The following CYTH1 variants were observed in gnomAD, a reference collection of about 807,000 sequenced individuals.
CYTH1 encodes cytohesin-1.
A neutral mutation model predicts 61.8 loss-of-function variants in CYTH1; 18 were observed. The observed-to-expected ratio is 0.29, with a 90% CI of 0.20 to 0.43. CYTH1 has a LOEUF of 0.43. CYTH1 is among the 20% of genes least tolerant of loss of function. CYTH1 has a pLI of 1.00. For synonymous variants in CYTH1, 174 were observed against 184.3 expected (o/e 0.94, Z 0.45); for missense variants, 336 against 510.5 (o/e 0.66, Z 3.29).
At chr17:78,743,070 C>G (rs899966658) in intron 1 of CYTH1, among the ~76,000 whole-genome samples, 2 of 151,804 alleles carry the variant, frequency 1.3e-5, no homozygotes, top group Admixed American at 6.6e-5. Context: ...TATTCCTTGG[C>G]ACTTAAAAAA....
At chr17:78,768,694 C>T (rs2093458644) in intron 1 of CYTH1, among the ~76,000 whole-genome samples, 1 of 152,072 alleles carries the variant, frequency 6.6e-6, no homozygotes, top group African/African-American at 2.4e-5. Context: ...TCACCTAGCT[C>T]ACCTATCTCC....
chr17:78,774,467 T>C (rs1263047436), intron 1 of CYTH1, among the ~76,000 whole-genome samples: 1 of 152,182 alleles, frequency 6.6e-6, no homozygotes, highest in Non-Finnish European at 1.5e-5. Flanking sequence ...GGTTTCTGTT[T>C]GAAATGGAGA....
intron 10 of CYTH1, among the ~76,000 whole-genome samples, chr17:78,693,563 G>C (rs2092909721): frequency 6.6e-6 from 1 of 151,326 alleles, no homozygotes; most frequent in African/African-American, 2.4e-5. Flanking sequence ...GGAGGTTGCA[G>C]TGAGCCAAGA....
chr17:78,761,245 C>A (rs896728390), intron 1 of CYTH1, among the ~76,000 whole-genome samples: 3 of 152,174 alleles, frequency 2.0e-5, no homozygotes, highest in African/African-American at 7.2e-5. Flanking sequence ...TCAAGAGGTT[C>A]TTGTTTTCAG....
intron 1 of CYTH1, 131 bp from the exon 2 acceptor site, chr17:78,709,863 T>A: frequency 1.4e-6 from 1 of 715,036 alleles, no homozygotes; most frequent in Non-Finnish European, 2.3e-6. Flanking sequence ...GACTGAGTGA[T>A]AGAAATAGTT....
At chr17:78,756,843 C>T (rs1298117447) in intron 1 of CYTH1, among the ~76,000 whole-genome samples, 2 of 151,494 alleles carry the variant, frequency 1.3e-5, no homozygotes, top group Non-Finnish European at 2.9e-5. Context: ...AAAAAGCCTT[C>T]ATAATCACCA....
At chr17:78,716,945 T>C (rs898852208) in intron 1 of CYTH1, 2 of 152,320 alleles carry the variant, frequency 1.3e-5, no homozygotes, top group African/African-American at 4.8e-5. Context: ...GCCCGGGAGT[T>C]TCTGGGAAAG....
In CYTH1 at chr17:78,676,046, C is replaced by T. The variant is rs2092694446; in HGVS notation, c.*45G>A. 6.4e-7 allele frequency: 1 copy of T among 1,573,176 alleles called. No individual in the cohort carries two copies. The highest frequency in any genetic ancestry group is 1.9e-5 in the Admixed American group (1 of 53,000). ...CATCCATGGAGGTGCGGGAGAAGAG[C>T]AGGAGCTCCAAGGCCCCCGCAGACC... On this transcript the variant is annotated 3_prime_UTR_variant, in exon 14 of 14. Coordinates refer to ENST00000446868, the MANE Select transcript of CYTH1 (RefSeq NM_004762.6).
At chr17:78,684,210 C>G (rs962279013) in intron 11 of CYTH1, among the ~76,000 whole-genome samples, 16 of 152,202 alleles carry the variant, frequency 1.1e-4, no homozygotes, top group Admixed American at 1.3e-4. Context: ...CCTCGCTCTT[C>G]TCAGCACACT....
At chr17:78,716,372 AC>A (rs2093180657) in intron 1 of CYTH1, among the ~76,000 whole-genome samples, 1 of 152,220 alleles carries the variant, frequency 6.6e-6, no homozygotes, top group East Asian at 1.9e-4. Flanking sequence ...AAAATGTACA[AC>A]TATGGTCACT....
intron 1 of CYTH1, among the ~76,000 whole-genome samples, chr17:78,764,484 G>C (rs531835876): frequency 6.6e-6 from 1 of 152,066 alleles, no homozygotes; most frequent in African/African-American, 2.4e-5. Flanking sequence ...TTCAAGATTT[G>C]TACTGAAATC....
chr17:78,740,179 A>G (rs1278948007), intron 1 of CYTH1, among the ~76,000 whole-genome samples: 2 of 151,806 alleles, frequency 1.3e-5, no homozygotes, highest in African/African-American at 4.8e-5. Flanking sequence ...CAAATGATCC[A>G]CCCACCTTGG....
intron 10 of CYTH1, among the ~76,000 whole-genome samples, chr17:78,693,176 C>T (rs2092906051): frequency 6.6e-6 from 1 of 152,126 alleles, no homozygotes; most frequent in Non-Finnish European, 1.5e-5. Context: ...TGAGAGGTGG[C>T]CTCAGGAGCC....
chr17:78,694,229 T>G (rs1420473663), intron 10 of CYTH1, among the ~76,000 whole-genome samples: 1 of 152,250 alleles, frequency 6.6e-6, no homozygotes, highest in African/African-American at 2.4e-5. Context: ...CTTACGTGAC[T>G]GATCATTAAT....
At chr17:78,720,228 A>G (rs1404345679) in intron 1 of CYTH1, among the ~76,000 whole-genome samples, 1 of 152,178 alleles carries the variant, frequency 6.6e-6, no homozygotes, top group Non-Finnish European at 1.5e-5. Context: ...AAGATGGTAC[A>G]TTTTTTGTTA....
chr17:78,681,830 T>A (rs1158111062), intron 11 of CYTH1, among the ~76,000 whole-genome samples: 3 of 124,068 alleles, frequency 2.4e-5, no homozygotes, highest in African/African-American at 6.3e-5. Context: ...AGAGCAAGAC[T>A]CTGTCTCAAA....
Position 78,714,466 on chromosome 17 carries a change from G to A in CYTH1, c.23-4734C>T, listed in dbSNP as rs374567276. ...TCTTCTAGAATAAAAACTCCACAAA[G>A]GCAGGGACACCGTATGCCTTGTACA... is the stretch of plus-strand genomic sequence containing the variant. On this transcript the variant is annotated intron_variant, in intron 1 of 13. Coordinates refer to ENST00000446868, the MANE Select transcript of CYTH1 (RefSeq NM_004762.6). Among the ~76,000 whole-genome samples the A allele has an allele frequency of 7.2e-5, 11 of 152,220 alleles. 4 individuals are homozygous for A. Among genetic ancestry groups the A allele is most frequent in the East Asian group, 1.9e-4 (1 of 5,184 alleles).
At chr17:78,707,485 C>A (rs1316307147) in intron 3 of CYTH1, among the ~76,000 whole-genome samples, 1 of 152,134 alleles carries the variant, frequency 6.6e-6, no homozygotes, top group Non-Finnish European at 1.5e-5. Flanking sequence ...AATAAGCTCA[C>A]GATTATCCTC....
chr17:78,739,217 T>C (rs985862974), intron 1 of CYTH1, among the ~76,000 whole-genome samples: 4 of 152,242 alleles, frequency 2.6e-5, no homozygotes, highest in Non-Finnish European at 5.9e-5. Context: ...CAGTCACTTG[T>C]TTTTAAAAAG....
Sources: allele counts gnomAD v4.1 joint callset (sites outside exome capture counted in the v4.1 genomes callset), GRCh38; gene constraint gnomAD v4.1.1; transcripts MANE v1.5; gene names NCBI Gene and HGNC (gene_info 2026-07-23, HGNC 2026-07-21).